The following SYT1 variants were observed in gnomAD, a reference collection of about 807,000 sequenced individuals.
SYT1 encodes the protein synaptotagmin 1, also known as synaptotagmin-1.
SYT1 carries 8 observed loss-of-function variants against 44.8 expected under a neutral mutation model. That is an observed-to-expected ratio of 0.18 (90% CI 0.10 to 0.32). The LOEUF is 0.32. SYT1 is among the 10% of genes least tolerant of loss of function. The probability of loss-of-function intolerance (pLI) is 1.00; values close to 1 mark genes in which losing one functional copy is unlikely to be tolerated. For missense variants in SYT1, 286 were observed against 509.3 expected (o/e 0.56, Z 4.22); for synonymous variants, 154 against 188.8 (o/e 0.82, Z 1.51).
At chr12:79,237,345 G>GGA in intron 4 of SYT1, among the ~76,000 whole-genome samples, 1 of 152,302 alleles carries the variant, frequency 6.6e-6, no homozygotes, top group South Asian at 2.1e-4. Flanking sequence ...ATTAAATAAA[G>GGA]TGGATATATG....
At chr12:79,108,772 C>T (rs568027576) in intron 3 of SYT1, among the ~76,000 whole-genome samples, 2 of 152,198 alleles carry the variant, frequency 1.3e-5, no homozygotes, top group East Asian at 3.9e-4. Flanking sequence ...TTCTTTAAAA[C>T]ACTGCTTTTT....
chr12:79,042,678 T>G (rs1170932640), intron 2 of SYT1, among the ~76,000 whole-genome samples: 1 of 141,756 alleles, frequency 7.1e-6, no homozygotes, highest in Non-Finnish European at 1.5e-5. Context: ...CTTTTGAATG[T>G]GTTTGCTCTT....
At chr12:79,408,346 G>A (rs1220148492) in intron 9 of SYT1, among the ~76,000 whole-genome samples, 3 of 152,126 alleles carry the variant, frequency 2.0e-5, no homozygotes, top group Non-Finnish European at 4.4e-5. Flanking sequence ...ACACTGTGGG[G>A]AGCTTTTACT....
At chr12:79,391,811 C>G (rs1353761455) in intron 9 of SYT1, among the ~76,000 whole-genome samples, 1 of 151,980 alleles carries the variant, frequency 6.6e-6, no homozygotes. Context: ...GATCAGAAAC[C>G]AAAGGATTTT....
At chr12:79,250,190 A>G (rs925313994) in intron 4 of SYT1, among the ~76,000 whole-genome samples, 7 of 152,208 alleles carry the variant, frequency 4.6e-5, no homozygotes, top group Admixed American at 3.9e-4. Flanking sequence ...CATAGGTGAA[A>G]GGAGGATTCA....
chr12:79,178,228 T>G lies in SYT1; in HGVS notation c.-17-39275T>G, dbSNP rs144820505. Among the ~76,000 whole-genome samples the G allele has an allele frequency of 3.4e-4, 45 of 130,514 alleles. 1 individual carries two copies. Among genetic ancestry groups the G allele is most frequent in the African/African-American group, 1.2e-3 (41 of 33,226 alleles). 85.6% of individuals were successfully genotyped at this position (130,514 alleles called of 152,430 possible). A position where few individuals can be genotyped will look rare whatever the true frequency, so the allele number is the denominator to read the frequency against. ...ACAAAAAGGTGATTTTCTAATTCTA[T>G]CATTTCCTTTACATTTTGAGATTTT... On this transcript the variant is annotated intron_variant, in intron 3 of 10. Transcript: ENST00000261205.
At chr12:78,992,284 T>C (rs1302393921) in intron 2 of SYT1, among the ~76,000 whole-genome samples, 1 of 152,200 alleles carries the variant, frequency 6.6e-6, no homozygotes, top group Admixed American at 6.5e-5. Flanking sequence ...AAAAGAGTCC[T>C]CAAAACATTA....
intron 1 of SYT1, among the ~76,000 whole-genome samples, chr12:78,927,790 T>A (rs1012991160): frequency 6.6e-6 from 1 of 152,204 alleles, no homozygotes; most frequent in Non-Finnish European, 1.5e-5. Context: ...TTTGAAATTA[T>A]CATTAGGAAT....
chr12:79,107,565 C>T (rs1592754457), intron 3 of SYT1, among the ~76,000 whole-genome samples: 2 of 151,774 alleles, frequency 1.3e-5, no homozygotes, highest in South Asian at 2.1e-4. Context: ...AAAGTATTAC[C>T]GTTAAAACCA....
chr12:79,024,938 G>T (rs907181437), intron 2 of SYT1, among the ~76,000 whole-genome samples: 2 of 151,740 alleles, frequency 1.3e-5, no homozygotes, highest in African/African-American at 4.8e-5. Flanking sequence ...GGTACTTTAT[G>T]CTGCATTTAT....
chr12:78,927,752 A>G (rs1263574369), intron 1 of SYT1, among the ~76,000 whole-genome samples: 2 of 152,170 alleles, frequency 1.3e-5, no homozygotes, highest in African/African-American at 4.8e-5. Flanking sequence ...TTCCGTTGCT[A>G]CAGTTGCTTG....
At chr12:79,351,304 G>A (rs1401572873) in intron 8 of SYT1, among the ~76,000 whole-genome samples, 3 of 152,132 alleles carry the variant, frequency 2.0e-5, no homozygotes, top group Non-Finnish European at 4.4e-5. Flanking sequence ...TGTGTCATAA[G>A]ATTGAGGAAT....
chr12:78,965,903 C>T (rs1175231861), intron 1 of SYT1, among the ~76,000 whole-genome samples: 1 of 151,756 alleles, frequency 6.6e-6, no homozygotes, highest in Non-Finnish European at 1.5e-5. Context: ...ATGTTGAAAC[C>T]CCGTCTCTAC....
chr12:79,167,420 G>T (rs1321072076), intron 3 of SYT1, among the ~76,000 whole-genome samples: 1 of 151,988 alleles, frequency 6.6e-6, no homozygotes, highest in Non-Finnish European at 1.5e-5. Flanking sequence ...GTGTGTGTTT[G>T]TGTGTGCTTG....
At chr12:78,958,561 G>A (rs1295917940) in intron 1 of SYT1, among the ~76,000 whole-genome samples, 1 of 152,018 alleles carries the variant, frequency 6.6e-6, no homozygotes, top group Non-Finnish European at 1.5e-5. Context: ...TGGGTGTGGT[G>A]GCACACACCT....
chr12:78,994,130 G>T (rs954443784), intron 2 of SYT1, among the ~76,000 whole-genome samples: 2 of 152,034 alleles, frequency 1.3e-5, no homozygotes, highest in Non-Finnish European at 2.9e-5. Flanking sequence ...ATTTCCTCCT[G>T]AGTAGATTCA....
chr12:79,439,233 C>T (rs1870263711), intron 9 of SYT1, among the ~76,000 whole-genome samples: 1 of 152,048 alleles, frequency 6.6e-6, no homozygotes, highest in African/African-American at 2.4e-5. Flanking sequence ...AATAAGATTC[C>T]ACCTGGAACT....
chr12:79,265,163 T>G (rs1244994103), intron 4 of SYT1, among the ~76,000 whole-genome samples: 1 of 152,182 alleles, frequency 6.6e-6, no homozygotes, highest in Non-Finnish European at 1.5e-5. Flanking sequence ...TCCACTACAC[T>G]AAGTACTTTA....
At chr12:79,188,684 C>G (rs1314251138) in intron 3 of SYT1, among the ~76,000 whole-genome samples, 1 of 151,960 alleles carries the variant, frequency 6.6e-6, no homozygotes, top group Non-Finnish European at 1.5e-5. Flanking sequence ...CTCTTTTTTT[C>G]TATCTTGAGG....
Sources: gnomAD v4.1 joint callset for allele counts (sites outside exome capture counted in the v4.1 genomes callset) on GRCh38, gnomAD v4.1.1 for gene constraint, MANE v1.5 for transcripts, NCBI Gene and HGNC (gene_info 2026-07-23, HGNC 2026-07-21) for gene names.